DMPK: variants seen among roughly 807,000 people sequenced by gnomAD.
DMPK encodes the protein DM1 protein kinase.
DMPK carries 32 observed loss-of-function variants against 70.3 expected under a neutral mutation model. The observed-to-expected ratio is 0.46, with a 90% CI of 0.34 to 0.61. DMPK has a LOEUF of 0.61. Among genes scored for constraint, DMPK ranks in the 20% least tolerant of loss-of-function variants. DMPK has a pLI of 0.01. For synonymous variants in DMPK, 469 were observed against 390.9 expected, an observed-to-expected ratio of 1.20 and a Z score of -2.36; for missense variants, 899 against 886.0, an observed-to-expected ratio of 1.01 and a Z score of -0.19.
chr19:45,779,659 G>A, intron 2 of DMPK, 119 bp downstream of exon 2: 1 of 1,551,268 alleles, frequency 6.4e-7, no homozygotes, highest in Non-Finnish European at 8.7e-7. Flanking sequence ...CCCAAGCCCC[G>A]CCTCCAGCCC....
chr19:45,770,926 G>T, intron 14 of DMPK, 45 bp downstream of exon 14: 2 of 1,345,480 alleles, frequency 1.5e-6, no homozygotes, highest in Non-Finnish European at 1.9e-6. Context: ...GGCGGGTGGA[G>T]CGCGGGGCGC....
chr19:45,773,107 G>A (rs1204015757), intron 9 of DMPK, among the ~76,000 whole-genome samples: 2 of 152,194 alleles, frequency 1.3e-5, no homozygotes, highest in African/African-American at 4.8e-5. Flanking sequence ...CCGACCTGAT[G>A]GGGAGACTGC....
intron 1 of DMPK, among the ~76,000 whole-genome samples, chr19:45,781,690 G>A (rs1207933939): frequency 6.6e-6 from 1 of 152,192 alleles, no homozygotes; most frequent in Non-Finnish European, 1.5e-5. Context: ...CCCTCCCAGT[G>A]CCTGGGCACC....
rs986774211 is a variant in DMPK, at chr19:45,770,586, GAAC to G, written c.1789_1791del (p.Val597del). 1.3e-5 allele frequency: 20 copies of G among 1,552,440 alleles called. No homozygotes were observed. Among genetic ancestry groups the G allele is most frequent in the African/African-American group, 5.5e-5 (4 of 73,232 alleles). ...CAGCCCAGGGCGGCGGCACGAGACA[GAAC>G]AACGGCGAACAGGAGCAGGGAAAGC... is the stretch of plus-strand genomic sequence containing the variant. On this transcript the variant is annotated inframe_deletion, in exon 15 of 15. Coordinates refer to ENST00000291270, the MANE Select transcript of DMPK (RefSeq NM_004409.5).
At chr19:45,770,676 G>C in intron 14 of DMPK, 36 bp from the exon 15 acceptor site, 1 of 1,544,640 alleles carries the variant, frequency 6.5e-7, no homozygotes, top group Non-Finnish European at 8.7e-7. Context: ...CCCGGCATGG[G>C]CCTCTGATTG....
At chr19:45,771,949 T>G in intron 10 of DMPK, 21 bp from the exon 11 acceptor site, 2 of 1,551,188 alleles carry the variant, frequency 1.3e-6, no homozygotes, top group South Asian at 2.4e-5. Context: ...GGACCAGGCT[T>G]AAGGCTGCCT....
chr19:45,782,153 C>A (rs760600703), intron 1 of DMPK, 40 bp downstream of exon 1: 1 of 1,120,378 alleles, frequency 8.9e-7, no homozygotes, highest in Non-Finnish European at 1.2e-6. Context: ...CCTGCCCCAC[C>A]CCCACCCCAT....
chr19:45,774,900 A>G (rs1438046568), intron 9 of DMPK, 49 bp downstream of exon 9: 22 of 1,427,738 alleles, frequency 1.5e-5, no homozygotes, highest in Non-Finnish European at 2.2e-5. Context: ...GGACCCAGGA[A>G]GCTCAAGCAG....
chr19:45,779,173 C>T (rs1969961735), intron 4 of DMPK, 91 bp downstream of exon 4: 2 of 1,366,608 alleles, frequency 1.5e-6, no homozygotes, highest in Non-Finnish European at 2.1e-6. Flanking sequence ...GGGCAGCACC[C>T]CCAATCCTAG....
At chr19:45,770,887 G>T in intron 14 of DMPK, 84 bp downstream of exon 14, 4 of 1,147,584 alleles carry the variant, frequency 3.5e-6, no homozygotes, top group African/African-American at 1.6e-5. Context: ...GCCCAGCCCC[G>T]CAAATGCGCA....
At chr19:45,781,463 G>C (rs1364426756) in intron 1 of DMPK, among the ~76,000 whole-genome samples, 1 of 152,118 alleles carries the variant, frequency 6.6e-6, no homozygotes, top group Non-Finnish European at 1.5e-5. Flanking sequence ...AGAACTAAAG[G>C]ACGCAGGGAC....
Position 45,777,236 on chromosome 19 carries a change from G to T in DMPK, c.1146+91C>A. 7.0e-7 allele frequency: 1 copy of T among 1,436,054 alleles called. No homozygotes were observed. Among genetic ancestry groups the T allele is most frequent in the South Asian group, 1.5e-5 (1 of 68,108 alleles). The allele number at this position is 1,436,054 out of a possible 1,614,324, so 89.0% of individuals were successfully genotyped here. A position where few individuals can be genotyped will look rare whatever the true frequency, so the allele number is the denominator to read the frequency against. ...GTGCTCTGGGGAATGAGTGATTCAGGACCCCAGAAGGTAGGCACTGTCCTT... is the reference window on the plus strand; with the variant it reads ...GTGCTCTGGGGAATGAGTGATTCAGTACCCCAGAAGGTAGGCACTGTCCTT... On this transcript the variant is annotated intron_variant, in intron 8 of 14. Transcript: ENST00000291270. The surrounding 1 kb of genome is among the most constrained non-coding windows in gnomAD (Gnocchi z 6.7).
At position 45,771,661 on chromosome 19, in the gene DMPK, G is replaced by A. The variant is rs375757084; in HGVS notation, c.1507C>T (p.Leu503=). ...CGGTTCCGAGCCTCTGCCTCGCGTA[G>A]TTGACTGTGGGGAGGTAAGGACGGT... The part of the protein sequence containing the change: ...RTDNQNFASQ[L]REAEARNRDL... Residue 503 remains leucine, a synonymous_variant, in exon 12 of 15, where the codon CTA becomes TTA. Transcript: ENST00000291270. 3 of 1,613,948 alleles carry A rather than the reference G, an allele frequency of 1.9e-6. No individual in the cohort carries two copies. The highest frequency in any genetic ancestry group is 1.3e-5 in the African/African-American group (1 of 75,044).
rs1262195031 is a variant in DMPK, at chr19:45,777,783, C to T, written c.766G>A (p.Gly256Arg). The change falls in exon 7 of 15, where the codon GGG becomes AGG. Residue 256 changes from glycine (G) to arginine (R), a missense_variant. By Grantham distance (125) the Gly-to-Arg change is moderately radical. This residue lies in a region of DMPK where 195 missense variants were observed against 259.7 expected (regional missense o/e 0.75). Coordinates refer to ENST00000291270, the MANE Select transcript of DMPK (RefSeq NM_004409.5). The surrounding 1 kb of genome is among the most constrained non-coding windows in gnomAD (Gnocchi z 6.7). Reference protein sequence around the residue: ...VGGGPGTGSYGPECDWWALGV... With the variant: ...VGGGPGTGSYRPECDWWALGV... Reference sequence around the variant, plus strand: ...AGCGCCCACCAGTCACACTCGGGCCCGTAGCTGCCTGTCCCAGGCCCACCG... The same window carrying T: ...AGCGCCCACCAGTCACACTCGGGCCTGTAGCTGCCTGTCCCAGGCCCACCG... 6.2e-7 allele frequency: 1 copy of T among 1,612,994 alleles called. No individual in the cohort carries two copies. Among genetic ancestry groups the T allele is most frequent in the Non-Finnish European group, 8.5e-7 (1 of 1,180,022 alleles).
chr19:45,778,768 T>G (rs1969932440), intron 4 of DMPK, 127 bp from the exon 5 acceptor site: 3 of 1,017,206 alleles, frequency 2.9e-6, no homozygotes, highest in Non-Finnish European at 4.3e-6. Context: ...AGCCCAGAGA[T>G]AACCATAGAG....
Position 45,775,366 on chromosome 19 carries a change from G to A in DMPK, c.1147-332C>T, listed in dbSNP as rs576448654. On this transcript the variant is annotated intron_variant, in intron 8 of 14. Coordinates refer to ENST00000291270, the MANE Select transcript of DMPK (RefSeq NM_004409.5). Reference sequence around the variant, plus strand: ...ATATTTTTGGTAGAGACGGGGTTTCGCCACGCTGGCCAGGCTGGTCTCCAT... The same window carrying A: ...ATATTTTTGGTAGAGACGGGGTTTCACCACGCTGGCCAGGCTGGTCTCCAT... 46 of 238,178 alleles carry A rather than the reference G, an allele frequency of 1.9e-4. 1 individual carries two copies. In the East Asian group the frequency reaches 5.8e-3, roughly 30 times the overall value. The allele number at this position is 238,178 out of a possible 1,614,324, so 14.8% of individuals were successfully genotyped here.
chr19:45,782,391 G>T lies in DMPK; in HGVS notation c.-39C>A. 6.6e-7 allele frequency: 1 copy of T among 1,510,584 alleles called. No homozygotes were observed. 93.6% of individuals were successfully genotyped at this position (1,510,584 alleles called of 1,614,324 possible). Reference sequence around the variant, plus strand: ...CACCATGGCCCCTCCCCGGGCCGGGGGCTCGGGGTCCTCCTGTCACAGGGC... The same window carrying T: ...CACCATGGCCCCTCCCCGGGCCGGGTGCTCGGGGTCCTCCTGTCACAGGGC... On this transcript the variant is annotated 5_prime_UTR_variant, in exon 1 of 15. Transcript: ENST00000291270.
chr19:45,774,249 G>C (rs1182952282), intron 9 of DMPK, among the ~76,000 whole-genome samples: 1 of 145,924 alleles, frequency 6.9e-6, no homozygotes. Context: ...ACCACACCCG[G>C]CCTAAATAAA....
In DMPK at chr19:45,770,287, T is replaced by A; in HGVS notation, c.*201A>T. The stretch of plus-strand genomic sequence containing the variant: ...CAGCATTCCCGGCTACAAGGACCCT[T>A]CGAGCCCCGTTCGCCGGCCGCGGAC... On this transcript the variant is annotated 3_prime_UTR_variant, in exon 15 of 15. Coordinates refer to ENST00000291270, the MANE Select transcript of DMPK (RefSeq NM_004409.5). 2 of 755,824 alleles carry A rather than the reference T, an allele frequency of 2.6e-6. No homozygotes were observed. Among genetic ancestry groups the A allele is most frequent in the Non-Finnish European group, 2.1e-6 (1 of 471,008 alleles). The allele number at this position is 755,824 out of a possible 1,614,324, so 46.8% of individuals were successfully genotyped here.
Sources: gnomAD v4.1 joint callset for allele counts (sites outside exome capture counted in the v4.1 genomes callset) on GRCh38, gnomAD v4.1.1 for gene constraint, gnomAD v4.1.1 regional missense constraint, Gnocchi (gnomAD v3.1) non-coding constraint, MANE v1.5 for transcripts, NCBI Gene and HGNC (gene_info 2026-07-23, HGNC 2026-07-21) for gene names.